MYRFL: variants seen among roughly 807,000 people sequenced by gnomAD.
MYRFL encodes myelin regulatory factor like.
MYRFL carries 88 observed loss-of-function variants against 109.4 expected under a neutral mutation model. The observed-to-expected ratio is 0.80, with a 90% CI of 0.68 to 0.96. The LOEUF (loss-of-function observed/expected upper bound fraction) is 0.96, where lower values mean the gene tolerates loss of function less well. Among genes scored for constraint, MYRFL ranks in the 40% least tolerant of loss-of-function variants. The pLI is 0.00. For missense variants in MYRFL, 957 were observed against 954.9 expected (o/e 1.00, Z -0.03); for synonymous variants, 324 against 320.9 (o/e 1.01, Z -0.10).
intron 13 of MYRFL, among the ~76,000 whole-genome samples, chr12:69,915,175 G>A (rs1017914757): frequency 4.6e-5 from 7 of 152,048 alleles, no homozygotes; most frequent in Admixed American, 6.6e-5. Context: ...TATGTACAGC[G>A]AGCCTCTTGC....
intron 2 of MYRFL, among the ~76,000 whole-genome samples, chr12:69,868,281 G>A (rs904042736): frequency 1.3e-5 from 2 of 151,094 alleles, no homozygotes; most frequent in African/African-American, 4.9e-5. Flanking sequence ...TAATTTTTTT[G>A]TATTTTTTTT....
At chr12:69,936,079 T>TG (rs1491435881) in intron 16 of MYRFL, 34 bp from the exon 17 acceptor site, 6 of 389,582 alleles carry the variant, frequency 1.5e-5, no homozygotes, top group Admixed American at 2.0e-4. Context: ...CCACATAATG[T>TG]TTTTTTTTTT....
Position 69,952,847 on chromosome 12 carries a change from T to C in MYRFL, c.2336T>C (p.Ile779Thr), listed in dbSNP as rs1326525904. 6 of 1,535,576 alleles carry C rather than the reference T, an allele frequency of 3.9e-6. No homozygotes were observed. The highest frequency in any genetic ancestry group is 8.7e-7 in the Non-Finnish European group (1 of 1,146,618). ...ATTCAGATTATGGAAATCCAGCAAA[T>C]AATAGATCATCAGTATTGCATTCAA... ...SSIQIMEIQQ[I>T]IDHQYCIQSL... The change falls in exon 21 of 25, where the codon ATA (isoleucine) becomes ACA (threonine). Residue 779 changes from isoleucine (I) to threonine (T), a missense_variant. Coordinates refer to ENST00000552032, the MANE Select transcript of MYRFL (RefSeq NM_182530.3).
At chr12:69,941,909 C>G (rs1263520430) in intron 19 of MYRFL, among the ~76,000 whole-genome samples, 1 of 149,892 alleles carries the variant, frequency 6.7e-6, no homozygotes, top group African/African-American at 2.4e-5. Flanking sequence ...ACAAACACCT[C>G]TACGCAAATA....
chr12:69,837,840 G>A (rs1473706678), intron 1 of MYRFL, among the ~76,000 whole-genome samples: 2 of 152,164 alleles, frequency 1.3e-5, no homozygotes, highest in African/African-American at 4.8e-5. Flanking sequence ...ACCTTTCAAA[G>A]TATGTAATGA....
chr12:69,825,346 C>G lies in MYRFL; in HGVS notation c.-172C>G, dbSNP rs977408155. ...AGTTTTATAATCACATTTGAAAACT[C>G]AACCATCTTTCTGGGCACAATTTGA... On this transcript the variant is annotated 5_prime_UTR_variant, in exon 1 of 25. An upstream open reading frame in the 5' UTR gains an earlier in-frame stop. Coordinates refer to ENST00000552032, the MANE Select transcript of MYRFL (RefSeq NM_182530.3). 5 of 697,008 alleles carry G rather than the reference C, an allele frequency of 7.2e-6. No individual in the cohort carries two copies. Among genetic ancestry groups the G allele is most frequent in the Middle Eastern group, 2.3e-4 (1 of 4,352 alleles). The allele number at this position is 697,008 out of a possible 1,614,324, so 43.2% of individuals were successfully genotyped here.
intron 19 of MYRFL, among the ~76,000 whole-genome samples, chr12:69,938,890 G>A (rs1212107416): frequency 6.6e-6 from 1 of 152,166 alleles, no homozygotes; most frequent in Non-Finnish European, 1.5e-5. Context: ...GGAAGCGCAG[G>A]GTTCAGGGAG....
chr12:69,895,321 TG>T, intron 8 of MYRFL, 49 bp from the exon 9 acceptor site: 1 of 1,299,692 alleles, frequency 7.7e-7, no homozygotes, highest in Non-Finnish European at 1.1e-6. Context: ...ATCAGAGATT[TG>T]GTGTTCTCTT....
At chr12:69,912,330 A>T (rs992219556) in intron 13 of MYRFL, among the ~76,000 whole-genome samples, 2 of 152,204 alleles carry the variant, frequency 1.3e-5, no homozygotes, top group African/African-American at 4.8e-5. Context: ...AACATGTATT[A>T]TCTTAACCAT....
chr12:69,953,917 C>A (rs1410411107), intron 21 of MYRFL, among the ~76,000 whole-genome samples: 1 of 152,128 alleles, frequency 6.6e-6, no homozygotes, highest in East Asian at 1.9e-4. Flanking sequence ...AGCCTCATTT[C>A]TTTTCCAACC....
At chr12:69,941,783 G>T (rs997453966) in intron 19 of MYRFL, among the ~76,000 whole-genome samples, 4 of 151,106 alleles carry the variant, frequency 2.6e-5, no homozygotes, top group East Asian at 3.9e-4. Flanking sequence ...TTGATAGACC[G>T]CTAGCAAGAC....
rs113649427 is a variant in MYRFL at position 69,877,023 on chromosome 12, CTT to C, written c.138-1988_138-1987del. On this transcript the variant is annotated intron_variant, in intron 2 of 24. Transcript: ENST00000552032. Reference sequence around the variant, plus strand: ...CAGGTCTTTCTTTCTTTCTTTCTTTCTTTTTTTTTTTTTTTTTTGAGACGGAG... The same window carrying C: ...CAGGTCTTTCTTTCTTTCTTTCTTTCTTTTTTTTTTTTTTTTGAGACGGAG... Among the ~76,000 whole-genome samples, 12 of 128,924 alleles carry C rather than the reference CTT, an allele frequency of 9.3e-5. 1 individual carries two copies. The highest frequency in any genetic ancestry group is 1.2e-4 in the African/African-American group (4 of 33,094). 84.6% of individuals were successfully genotyped at this position (128,924 alleles called of 152,430 possible).
chr12:69,857,349 G>A (rs1460342427), intron 2 of MYRFL, among the ~76,000 whole-genome samples: 1 of 151,698 alleles, frequency 6.6e-6, no homozygotes, highest in African/African-American at 2.4e-5. Context: ...TTTTTCTTCT[G>A]TTTCAATATT....
At chr12:69,910,321 A>C (rs1954518278) in intron 12 of MYRFL, among the ~76,000 whole-genome samples, 2 of 152,124 alleles carry the variant, frequency 1.3e-5, no homozygotes, top group African/African-American at 4.8e-5. Flanking sequence ...GTTTCTTTGC[A>C]CAGGAGTCCT....
chr12:69,837,745 T>G (rs1157613228), intron 1 of MYRFL, among the ~76,000 whole-genome samples: 3 of 152,214 alleles, frequency 2.0e-5, no homozygotes, highest in African/African-American at 7.2e-5. Flanking sequence ...CTTGTTTACT[T>G]GGTTAACTTG....
At chr12:69,896,837 A>G (rs1954010602) in intron 9 of MYRFL, among the ~76,000 whole-genome samples, 1 of 152,222 alleles carries the variant, frequency 6.6e-6, no homozygotes, top group South Asian at 2.1e-4. Flanking sequence ...GTGCTGAATC[A>G]GCACAGATAG....
At chr12:69,862,805 A>C (rs1884772259) in intron 2 of MYRFL, among the ~76,000 whole-genome samples, 1 of 152,196 alleles carries the variant, frequency 6.6e-6, no homozygotes, top group Non-Finnish European at 1.5e-5. Flanking sequence ...GAGTGGTGAG[A>C]GAGGGCCTCC....
At chr12:69,894,787 A>G (rs55939278) in intron 8 of MYRFL, among the ~76,000 whole-genome samples, 24,252 of 152,248 alleles carry the variant, frequency 0.16, 2,281 homozygotes, top group Non-Finnish European at 0.22. Flanking sequence ...TTGACCCTGA[A>G]TCAATCCCCT....
chr12:69,901,189 A>G (rs1350664875), intron 10 of MYRFL, among the ~76,000 whole-genome samples: 1 of 152,178 alleles, frequency 6.6e-6, no homozygotes, highest in Non-Finnish European at 1.5e-5. Context: ...AAACAATAAA[A>G]ATATTTTAGA....
Sources: gnomAD v4.1 joint callset for allele counts (sites outside exome capture counted in the v4.1 genomes callset) on GRCh38, gnomAD v4.1.1 for gene constraint, MANE v1.5 for transcripts, NCBI Gene and HGNC (gene_info 2026-07-23, HGNC 2026-07-21) for gene names.